The following TAX1BP1 variants were observed in gnomAD, a reference collection of about 807,000 sequenced individuals.
TAX1BP1 encodes Tax1 binding protein 1.
In TAX1BP1, 62 loss-of-function variants were observed where a neutral mutation model predicts 97.7. That is an observed-to-expected ratio of 0.63 (90% CI 0.52 to 0.78). The LOEUF (loss-of-function observed/expected upper bound fraction) is 0.78. TAX1BP1 is among the 30% of genes least tolerant of loss of function. TAX1BP1 has a pLI of 0.00. For synonymous variants in TAX1BP1, 340 were observed against 304.2 expected, an observed-to-expected ratio of 1.12 and a Z score of -1.23; for missense variants, 867 against 916.1, an observed-to-expected ratio of 0.95 and a Z score of 0.69.
intron 3 of TAX1BP1, among the ~76,000 whole-genome samples, chr7:27,765,505 T>C (rs1291351333): frequency 6.6e-6 from 1 of 152,214 alleles, no homozygotes; most frequent in African/African-American, 2.4e-5. Context: ...TAGACTTTTA[T>C]ATTGGTTCTT....
chr7:27,783,981 A>G (rs1267942290), intron 5 of TAX1BP1, among the ~76,000 whole-genome samples: 2 of 152,202 alleles, frequency 1.3e-5, no homozygotes, highest in African/African-American at 4.8e-5. Context: ...AGTCAGACAA[A>G]CATTTGCTTT....
chr7:27,802,872 C>T (rs1790192144), intron 13 of TAX1BP1, among the ~76,000 whole-genome samples: 1 of 151,920 alleles, frequency 6.6e-6, no homozygotes, highest in Non-Finnish European at 1.5e-5. Context: ...AAAAAAAGGG[C>T]ATGGGATGAT....
At chr7:27,773,011 G>C (rs1788903086) in intron 5 of TAX1BP1, among the ~76,000 whole-genome samples, 1 of 151,850 alleles carries the variant, frequency 6.6e-6, no homozygotes, top group Admixed American at 6.6e-5. Context: ...TCTTGAAAAA[G>C]GCTCATTAAT....
chr7:27,826,637 C>T (rs1562749803), intron 15 of TAX1BP1, among the ~76,000 whole-genome samples: 1 of 152,158 alleles, frequency 6.6e-6, no homozygotes, highest in Non-Finnish European at 1.5e-5. Flanking sequence ...TGCCTGGTTT[C>T]AGTGTTAAAT....
intron 5 of TAX1BP1, among the ~76,000 whole-genome samples, 193 bp from the exon 6 acceptor site, chr7:27,784,970 T>A (rs978263206): frequency 3.9e-5 from 6 of 152,106 alleles, no homozygotes; most frequent in Admixed American, 3.3e-4. Context: ...AAACAAATTA[T>A]CGATTAATTT....
At chr7:27,748,318 G>A (rs964533883) in intron 1 of TAX1BP1, among the ~76,000 whole-genome samples, 200 bp from the exon 2 acceptor site, 2 of 151,862 alleles carry the variant, frequency 1.3e-5, no homozygotes, top group Non-Finnish European at 2.9e-5. Context: ...GAGCCAAATG[G>A]GTTTTAGTTA....
intron 5 of TAX1BP1, chr7:27,771,870 T>C (rs1788860279): frequency 6.6e-6 from 1 of 152,032 alleles, no homozygotes; most frequent in Non-Finnish European, 1.5e-5. Flanking sequence ...ACTTGATGCA[T>C]GGGAAGTTCT....
At chr7:27,784,823 T>TA (rs1027182849) in intron 5 of TAX1BP1, among the ~76,000 whole-genome samples, 13 of 149,338 alleles carry the variant, frequency 8.7e-5, no homozygotes, top group South Asian at 2.1e-4. Context: ...CTGTCTCTAT[T>TA]AAAAAAAAAA....
chr7:27,767,477 C>G (rs1282810698), intron 4 of TAX1BP1, among the ~76,000 whole-genome samples: 1 of 152,022 alleles, frequency 6.6e-6, no homozygotes, highest in African/African-American at 2.4e-5. Flanking sequence ...TCATATCTTT[C>G]CTTCCCCTTT....
intron 13 of TAX1BP1, among the ~76,000 whole-genome samples, chr7:27,800,509 T>C (rs1054755860): frequency 2.0e-5 from 3 of 151,776 alleles, no homozygotes; most frequent in Non-Finnish European, 4.4e-5. Flanking sequence ...TTGAGTCCAG[T>C]AGTTTGAGAT....
chr7:27,816,082 C>T (rs1433134272), intron 13 of TAX1BP1, among the ~76,000 whole-genome samples: 3 of 152,162 alleles, frequency 2.0e-5, no homozygotes, highest in African/African-American at 4.8e-5. Flanking sequence ...GTTTACCCTA[C>T]ATTAACTCAA....
chr7:27,772,334 T>C (rs1254310062), intron 5 of TAX1BP1: 2 of 152,006 alleles, frequency 1.3e-5, no homozygotes, highest in African/African-American at 2.4e-5. Flanking sequence ...CTATAGTAGT[T>C]CTAGAGGTCT....
chr7:27,787,402 T>G lies in TAX1BP1; in HGVS notation c.853-16T>G, dbSNP rs1343856109. The G allele has an allele frequency of 6.4e-7, 1 of 1,573,224 alleles. No individual in the cohort carries two copies. The highest frequency in any genetic ancestry group is 8.6e-7 in the Non-Finnish European group (1 of 1,163,344). On this transcript the variant is annotated splice_polypyrimidine_tract_variant and intron_variant, in intron 7 of 16. Coordinates refer to ENST00000396319, the MANE Select transcript of TAX1BP1 (RefSeq NM_006024.7). ...TGGAGTTAGAATATTCTTGACATTTTCAAACACCATTACAGGTACATTTGA... is the reference window on the plus strand; with the variant it reads ...TGGAGTTAGAATATTCTTGACATTTGCAAACACCATTACAGGTACATTTGA...
chr7:27,790,193 G>A (rs558089383), intron 8 of TAX1BP1, among the ~76,000 whole-genome samples: 2 of 151,682 alleles, frequency 1.3e-5, no homozygotes, highest in Non-Finnish European at 3.0e-5. Context: ...TTTATAAATG[G>A]ATATCTTGCA....
At chr7:27,761,550 G>T (rs1026609582) in intron 3 of TAX1BP1, among the ~76,000 whole-genome samples, 1 of 152,110 alleles carries the variant, frequency 6.6e-6, no homozygotes, top group African/African-American at 2.4e-5. Flanking sequence ...CCACAGTTTT[G>T]CCGTAAAATG....
chr7:27,804,847 C>T (rs1790272637), intron 13 of TAX1BP1, among the ~76,000 whole-genome samples: 1 of 152,194 alleles, frequency 6.6e-6, no homozygotes, highest in Non-Finnish European at 1.5e-5. Context: ...ATATGAAGCT[C>T]ATAGAAATCC....
intron 13 of TAX1BP1, among the ~76,000 whole-genome samples, chr7:27,806,553 A>G (rs920799742): frequency 1.3e-5 from 2 of 152,196 alleles, no homozygotes; most frequent in African/African-American, 2.4e-5. Flanking sequence ...TTTATTGTAT[A>G]ATAGATTTCC....
intron 15 of TAX1BP1, among the ~76,000 whole-genome samples, chr7:27,821,394 G>T (rs192257117): frequency 1.1e-4 from 16 of 152,076 alleles, no homozygotes; most frequent in Non-Finnish European, 2.2e-4. Context: ...ACTTTGGGAG[G>T]TCTAGGCAGG....
chr7:27,788,474 G>C (rs1360095225), intron 8 of TAX1BP1, among the ~76,000 whole-genome samples: 1 of 151,614 alleles, frequency 6.6e-6, no homozygotes, highest in Non-Finnish European at 1.5e-5. Context: ...CTATTATGTT[G>C]GTAATAATTA....
Sources: allele counts gnomAD v4.1 joint callset (sites outside exome capture counted in the v4.1 genomes callset), GRCh38; gene constraint gnomAD v4.1.1; transcripts MANE v1.5; gene names NCBI Gene and HGNC (gene_info 2026-07-23, HGNC 2026-07-21).